TSHR: variants seen among roughly 807,000 people sequenced by gnomAD.
The protein encoded by TSHR is thyrotropin receptor.
TSHR carries 51 observed loss-of-function variants against 64.1 expected under a neutral mutation model. That is an observed-to-expected ratio of 0.80 (90% CI 0.64 to 1.01). The LOEUF (loss-of-function observed/expected upper bound fraction) is 1.01. Among genes scored for constraint, TSHR ranks in the 50% least tolerant of loss-of-function variants. The probability of loss-of-function intolerance (pLI) is 0.00; values close to 1 mark genes in which losing one functional copy is unlikely to be tolerated. For missense variants in TSHR, 877 were observed against 942.8 expected (o/e 0.93, Z 0.91); for synonymous variants, 361 against 361.9 (o/e 1.00, Z 0.03).
chr14:81,033,280 G>A (rs74771569), intron 1 of TSHR: 42,987 of 464,072 alleles, frequency 0.093, 2,943 homozygotes, highest in South Asian at 0.2. Context: ...AGAATACATC[G>A]AAAAGCATAA....
chr14:81,009,909 T>C (rs1006578944), intron 1 of TSHR, among the ~76,000 whole-genome samples: 41 of 152,038 alleles, frequency 2.7e-4, no homozygotes, highest in African/African-American at 9.7e-4. Flanking sequence ...TGAGGACTTG[T>C]TGGGTTGGAA....
At position 81,067,927 on chromosome 14, in the gene TSHR, C is replaced by CTATATATATATATATATA. The variant is rs10528934; in HGVS notation, c.243-317_243-300dup. Among the ~76,000 whole-genome samples, 288 of 95,730 alleles carry CTATATATATATATATATA rather than the reference C, an allele frequency of 3.0e-3. 14 individuals carry two copies. Among genetic ancestry groups the CTATATATATATATATATA allele is most frequent in the African/African-American group, 0.012 (209 of 16,850 alleles). 62.8% of individuals were successfully genotyped at this position (95,730 alleles called of 152,430 possible). On this transcript the variant is annotated intron_variant, in intron 2 of 9. Transcript: ENST00000298171. The stretch of plus-strand genomic sequence containing the variant: ...TAGTGGAACATTCCACAGGGTGACA[C>CTATATATATATATATATA]TATATATATATATATATATATATAT...
chr14:81,006,586 C>T (rs942308880), intron 1 of TSHR, among the ~76,000 whole-genome samples: 1 of 151,936 alleles, frequency 6.6e-6, no homozygotes, highest in Admixed American at 6.6e-5. Context: ...AATCTTGGCT[C>T]ACTGCAACCT....
At chr14:81,046,457 A>G (rs1052111267) in intron 1 of TSHR, among the ~76,000 whole-genome samples, 2 of 152,010 alleles carry the variant, frequency 1.3e-5, no homozygotes, top group African/African-American at 4.8e-5. Context: ...TAGAACTTAA[A>G]GACTTAACAA....
chr14:80,979,732 T>C (rs577349836), intron 1 of TSHR, among the ~76,000 whole-genome samples: 1 of 152,356 alleles, frequency 6.6e-6, no homozygotes, highest in South Asian at 2.1e-4. Context: ...CTTGATACTT[T>C]CTTCTCACTC....
intron 1 of TSHR, chr14:80,995,349 A>G (rs1888953214): frequency 6.6e-6 from 1 of 152,232 alleles, no homozygotes; most frequent in Non-Finnish European, 1.5e-5. Context: ...CCACAGGAAT[A>G]TAAATAATTC....
At chr14:81,121,934 C>G (rs1890810783) in intron 8 of TSHR, among the ~76,000 whole-genome samples, 1 of 84,042 alleles carries the variant, frequency 1.2e-5, no homozygotes, top group Non-Finnish European at 2.5e-5. Flanking sequence ...CAGAGCAAGA[C>G]TCTGTCTCAA....
At chr14:81,104,511 T>C in intron 7 of TSHR, 1 of 985,408 alleles carries the variant, frequency 1.0e-6, no homozygotes, top group Non-Finnish European at 1.2e-6. Context: ...AGATCACGTC[T>C]TTCTAAACCT....
At chr14:81,108,234 G>A in intron 7 of TSHR, 141 bp from the exon 8 acceptor site, 2 of 739,900 alleles carry the variant, frequency 2.7e-6, no homozygotes, top group Admixed American at 2.3e-5. Flanking sequence ...GCTCAAGCCA[G>A]AAGAAGATAA....
At chr14:81,021,423 G>C (rs1206246783) in intron 1 of TSHR, among the ~76,000 whole-genome samples, 1 of 152,136 alleles carries the variant, frequency 6.6e-6, no homozygotes, top group Non-Finnish European at 1.5e-5. Context: ...GGGGAAAAAA[G>C]ATTCTGGGTT....
intron 1 of TSHR, among the ~76,000 whole-genome samples, chr14:81,016,112 C>A (rs1310000540): frequency 6.6e-6 from 1 of 152,158 alleles, no homozygotes; most frequent in Admixed American, 6.6e-5. Context: ...CTTTGACATA[C>A]TGATTTCATT....
At chr14:81,032,605 G>A in intron 1 of TSHR, 2 of 449,390 alleles carry the variant, frequency 4.5e-6, no homozygotes, top group South Asian at 3.7e-5. Flanking sequence ...ATGCACCTCA[G>A]GTTGTTTGAA....
At chr14:81,113,733 T>C (rs1427732665) in intron 8 of TSHR, among the ~76,000 whole-genome samples, 2 of 152,332 alleles carry the variant, frequency 1.3e-5, no homozygotes, top group South Asian at 2.1e-4. Context: ...AGTACTTGCA[T>C]GGGTGAAATC....
chr14:80,994,607 C>G (rs1454771313), intron 1 of TSHR: 1 of 152,098 alleles, frequency 6.6e-6, no homozygotes, highest in Non-Finnish European at 1.5e-5. Flanking sequence ...TTTGACAAAC[C>G]AAGCAAAAGC....
chr14:81,001,815 A>G, intron 1 of TSHR: 1 of 277,874 alleles, frequency 3.6e-6, no homozygotes, highest in Non-Finnish European at 7.1e-6. Flanking sequence ...AGATCACCTC[A>G]GGCCACTTAG....
chr14:81,104,639 G>A lies in TSHR; in HGVS notation c.615-3736G>A, dbSNP rs185394407. The A allele has an allele frequency of 8.4e-4, 829 of 985,366 alleles. 11 individuals are homozygous for A. The Middle Eastern group carries it at 0.015, about 18-fold the overall frequency. 61.0% of individuals were successfully genotyped at this position (985,366 alleles called of 1,614,324 possible). A position where few individuals can be genotyped will look rare whatever the true frequency, so the allele number is the denominator to read the frequency against. On this transcript the variant is annotated intron_variant, in intron 7 of 9. Coordinates refer to ENST00000298171, the MANE Select transcript of TSHR (RefSeq NM_000369.5). ...ACGAGTGAGTCCAACAGAAAAGGGCGTACATAAACACACATATAGTACACA... is the reference window on the plus strand; with the variant it reads ...ACGAGTGAGTCCAACAGAAAAGGGCATACATAAACACACATATAGTACACA...
intron 8 of TSHR, among the ~76,000 whole-genome samples, chr14:81,128,267 C>G (rs1402402615): frequency 3.3e-5 from 5 of 152,088 alleles, no homozygotes; most frequent in African/African-American, 1.2e-4. Context: ...TTGGGCCTAA[C>G]TATTCAATAG....
At chr14:81,116,153 A>G (rs1890497599) in intron 8 of TSHR, among the ~76,000 whole-genome samples, 2 of 151,936 alleles carry the variant, frequency 1.3e-5, no homozygotes, top group South Asian at 4.2e-4. Context: ...TAACATCAGA[A>G]TGACAGGATC....
intron 1 of TSHR, among the ~76,000 whole-genome samples, chr14:80,964,689 C>T (rs576232558): frequency 2.6e-4 from 40 of 152,316 alleles, no homozygotes; most frequent in African/African-American, 9.4e-4. Context: ...TCAAAGGTGT[C>T]CTTGACCCCT....
Sources: gnomAD v4.1 joint callset for allele counts (sites outside exome capture counted in the v4.1 genomes callset) on GRCh38, gnomAD v4.1.1 for gene constraint, MANE v1.5 for transcripts, NCBI Gene and HGNC (gene_info 2026-07-23, HGNC 2026-07-21) for gene names.